The following TGDS variants were observed in gnomAD, a reference collection of about 807,000 sequenced individuals.
TGDS encodes UDP-D-glucose 4,6-dehydratase.
Under a neutral mutation model 52.3 loss-of-function variants are expected in TGDS, and 47 were observed. That is an observed-to-expected ratio of 0.90 (90% CI 0.71 to 1.15). The LOEUF is 1.15. Ranked by LOEUF, TGDS falls within the 50% of genes most tolerant of loss-of-function variation. The pLI is 0.00. For missense variants in TGDS, 375 were observed against 418.4 expected, an observed-to-expected ratio of 0.90 and a Z score of 0.90; for synonymous variants, 115 against 136.9, an observed-to-expected ratio of 0.84 and a Z score of 1.12.
At chr13:94,587,059 C>T (rs1889016723) in intron 4 of TGDS, among the ~76,000 whole-genome samples, 1 of 151,786 alleles carries the variant, frequency 6.6e-6, no homozygotes, top group African/African-American at 2.4e-5. Context: ...GCCACTGCAC[C>T]CAGCAAGAAA....
intron 5 of TGDS, among the ~76,000 whole-genome samples, chr13:94,582,581 T>C (rs898301776): frequency 6.6e-6 from 1 of 152,228 alleles, no homozygotes; most frequent in African/African-American, 2.4e-5. Context: ...GATTGAAGGA[T>C]ACAAAGTATT....
intron 4 of TGDS, among the ~76,000 whole-genome samples, chr13:94,585,209 C>T (rs1888935266): frequency 6.6e-6 from 1 of 151,888 alleles, no homozygotes; most frequent in South Asian, 2.1e-4. Flanking sequence ...ACTACCACGC[C>T]CAGCTAACTT....
chr13:94,593,610 A>G (rs954824667), intron 2 of TGDS, among the ~76,000 whole-genome samples: 1 of 152,212 alleles, frequency 6.6e-6, no homozygotes, highest in Non-Finnish European at 1.5e-5. Context: ...AACTGAAAAA[A>G]ACAAAATAAA....
At chr13:94,577,299 C>T (rs1332779414) in intron 10 of TGDS, 72 bp downstream of exon 10, 1 of 1,193,524 alleles carries the variant, frequency 8.4e-7, no homozygotes. Context: ...TTGGTCAAGT[C>T]CACATATTTT....
chr13:94,585,981 A>G (rs1291905926), intron 4 of TGDS, among the ~76,000 whole-genome samples: 1 of 152,170 alleles, frequency 6.6e-6, no homozygotes, highest in Non-Finnish European at 1.5e-5. Flanking sequence ...TAATTTCCAA[A>G]CTAGTAGAGG....
At chr13:94,595,281 A>G (rs1889334841) in intron 1 of TGDS, among the ~76,000 whole-genome samples, 2 of 152,334 alleles carry the variant, frequency 1.3e-5, no homozygotes, top group South Asian at 4.1e-4. Flanking sequence ...AGGTTGCAAA[A>G]GTAGGGCTTG....
intron 5 of TGDS, among the ~76,000 whole-genome samples, chr13:94,582,111 T>C (rs562078399): frequency 2.0e-5 from 3 of 152,090 alleles, no homozygotes; most frequent in South Asian, 2.1e-4. Flanking sequence ...GGCAGGAGAA[T>C]TGCTTGAACC....
At chr13:94,582,346 C>T (rs1008228911) in intron 5 of TGDS, among the ~76,000 whole-genome samples, 5 of 152,152 alleles carry the variant, frequency 3.3e-5, no homozygotes, top group Admixed American at 2.0e-4. Context: ...ATGACATTCA[C>T]CATATTTGTA....
chr13:94,588,934 C>G (rs898454807), intron 4 of TGDS, among the ~76,000 whole-genome samples: 6 of 152,082 alleles, frequency 3.9e-5, no homozygotes, highest in Non-Finnish European at 7.4e-5. Flanking sequence ...AATTGGTATT[C>G]ACATGGAAAA....
intron 3 of TGDS, 33 bp from the exon 4 acceptor site, chr13:94,590,976 G>C (rs765681032): frequency 5.5e-6 from 8 of 1,450,360 alleles, no homozygotes; most frequent in Non-Finnish European, 5.7e-6. Context: ...AAGGGCCTAG[G>C]TTTCATACAG....
intron 8 of TGDS, 140 bp downstream of exon 8, chr13:94,578,590 T>C (rs1017317202): frequency 2.0e-5 from 13 of 639,400 alleles, no homozygotes; most frequent in Admixed American, 2.0e-4. Context: ...TTAAAAACTA[T>C]TACACTGGAG....
Position 94,596,032 on chromosome 13 carries a change from T to C in TGDS, c.86+19A>G, listed in dbSNP as rs1234171327. ...GGTTTCTGGGGAGCCACTGCTTGGC[T>C]AGCGGCGCCATTACCTACATGAAAC... On this transcript the variant is annotated intron_variant, in intron 1 of 11. Coordinates refer to ENST00000261296, the MANE Select transcript of TGDS (RefSeq NM_014305.4). The C allele has an allele frequency of 5.6e-6, 9 of 1,613,690 alleles. No individual in the cohort carries two copies. Among genetic ancestry groups the C allele is most frequent in the African/African-American group, 1.3e-5 (1 of 74,882 alleles).
At chr13:94,584,959 C>A (rs1005352734) in intron 4 of TGDS, among the ~76,000 whole-genome samples, 1 of 152,172 alleles carries the variant, frequency 6.6e-6, no homozygotes, top group South Asian at 2.1e-4. Flanking sequence ...GAAACCAACT[C>A]ATTATAGTAA....
In TGDS at chr13:94,592,244, T is replaced by C; in HGVS notation, c.219A>G (p.Ile73Met). ...TISNKQNYKF[I>M]QGDICDSHFV... ...AGTTACAAGAAAATGTTCATACCTG[T>C]ATAAATTTGTAGTTCTGTTTGTTAG... Residue 73 changes from isoleucine to methionine, a missense_variant, in exon 3 of 12, where the codon ATA becomes ATG. By Grantham distance (10) the Ile-to-Met change is conservative (BLOSUM62 1). Transcript: ENST00000261296. The C allele has an allele frequency of 7.5e-6, 12 of 1,607,622 alleles. No individual in the cohort carries two copies. The highest frequency in any genetic ancestry group is 1.0e-5 in the Non-Finnish European group (12 of 1,177,388).
chr13:94,588,258 T>G (rs1284500864), intron 4 of TGDS, among the ~76,000 whole-genome samples: 1 of 150,206 alleles, frequency 6.7e-6, no homozygotes, highest in Non-Finnish European at 1.5e-5. Context: ...ACCCCATCTC[T>G]ATCAAAAATA....
chr13:94,578,417 T>A (rs144556884), intron 8 of TGDS, among the ~76,000 whole-genome samples: 1 of 152,282 alleles, frequency 6.6e-6, no homozygotes, highest in Admixed American at 6.5e-5. Context: ...ATAAGTTCAT[T>A]TTAAAGAAAT....
chr13:94,595,861 A>G, intron 1 of TGDS, 190 bp downstream of exon 1: 1 of 651,462 alleles, frequency 1.5e-6, no homozygotes, highest in Non-Finnish European at 2.7e-6. Flanking sequence ...TAAAGAAGTC[A>G]GTTTCAAAGG....
intron 10 of TGDS, 112 bp downstream of exon 10, chr13:94,577,259 C>T (rs1320163806): frequency 2.6e-6 from 2 of 767,678 alleles, no homozygotes; most frequent in Admixed American, 3.0e-5. Flanking sequence ...AAATGTTTTA[C>T]CAGAAAATTC....
At chr13:94,593,797 G>A (rs770348297) in intron 2 of TGDS, 44 bp downstream of exon 2, 1 of 1,272,150 alleles carries the variant, frequency 7.9e-7, no homozygotes, top group Non-Finnish European at 1.1e-6. Context: ...AACATAAATT[G>A]AAATGTAATT....
Sources: gnomAD v4.1 joint callset for allele counts (sites outside exome capture counted in the v4.1 genomes callset) on GRCh38, gnomAD v4.1.1 for gene constraint, MANE v1.5 for transcripts, NCBI Gene and HGNC (gene_info 2026-07-23, HGNC 2026-07-21) for gene names.